The following DPM2 variants were observed in gnomAD, a reference collection of about 807,000 sequenced individuals.
DPM2 encodes the protein dolichol phosphate-mannose biosynthesis regulatory protein.
Under a neutral mutation model 12.1 loss-of-function variants are expected in DPM2, and 8 were observed. That is an observed-to-expected ratio of 0.66 (90% CI 0.39 to 1.19). DPM2 has a LOEUF of 1.19. DPM2 is among the 50% of genes most tolerant of loss of function. The pLI is 0.01. For missense variants in DPM2, 93 were observed against 102.5 expected, an observed-to-expected ratio of 0.91 and a Z score of 0.40; for synonymous variants, 38 against 44.7, an observed-to-expected ratio of 0.85 and a Z score of 0.60.
chr9:127,936,202 T>C, intron 3 of DPM2: 1 of 1,254,290 alleles, frequency 8.0e-7, no homozygotes, highest in Non-Finnish European at 1.1e-6. Flanking sequence ...TGCCACAGCC[T>C]GTTCTAGATG....
chr9:127,935,642 G>C lies in DPM2; in HGVS notation c.*80C>G. ...TTGAGGAGCCACTGTGCCTGGACAGGTTCTGCAGGCTCCCCCACTTGGTCC... is the reference window on the plus strand; with the variant it reads ...TTGAGGAGCCACTGTGCCTGGACAGCTTCTGCAGGCTCCCCCACTTGGTCC... On this transcript the variant is annotated 3_prime_UTR_variant, in exon 4 of 4. Coordinates refer to ENST00000314392, the MANE Select transcript of DPM2 (RefSeq NM_003863.4). The C allele has an allele frequency of 6.7e-7, 1 of 1,485,586 alleles. No homozygotes were observed. The highest frequency in any genetic ancestry group is 9.3e-7 in the Non-Finnish European group (1 of 1,074,602). The allele number at this position is 1,485,586 out of a possible 1,614,324, so 92.0% of individuals were successfully genotyped here. A position where few individuals can be genotyped will look rare whatever the true frequency, so the allele number is the denominator to read the frequency against.
rs781144814 is a variant in DPM2, at chr9:127,936,365, T to C, written c.196+188A>G. 54 of 1,534,114 alleles carry C rather than the reference T, an allele frequency of 3.5e-5. 1 individual carries two copies. Among genetic ancestry groups the C allele is most frequent in the Non-Finnish European group, 4.7e-5 (53 of 1,137,770 alleles). ...GAAAGAGGTAGACAGGTCATTGGAGTCCAAAAAGCCTGGGGCACCAGGAAA... is the reference window on the plus strand; with the variant it reads ...GAAAGAGGTAGACAGGTCATTGGAGCCCAAAAAGCCTGGGGCACCAGGAAA... On this transcript the variant is annotated intron_variant, in intron 3 of 3. Coordinates refer to ENST00000314392, the MANE Select transcript of DPM2 (RefSeq NM_003863.4).
At chr9:127,936,054 G>C in intron 3 of DPM2, 1 of 590,158 alleles carries the variant, frequency 1.7e-6, no homozygotes, top group Non-Finnish European at 3.0e-6. Context: ...TCGATCACCC[G>C]GTCAACCACT....
intron 3 of DPM2, 26 bp from the exon 4 acceptor site, chr9:127,935,806 A>T: frequency 6.2e-7 from 1 of 1,611,438 alleles, no homozygotes. Context: ...CAGAAAGGCC[A>T]CATAAGATCT....
At position 127,937,482 on chromosome 9, in the gene DPM2, G is replaced by A. The variant is rs978118603; in HGVS notation, c.45C>T (p.Ala15=). 1.2e-6 allele frequency: 2 copies of A among 1,614,020 alleles called. No homozygotes were observed. Among genetic ancestry groups the A allele is most frequent in the African/African-American group, 2.7e-5 (2 of 75,022 alleles). Residue 15 remains alanine, a synonymous_variant, in exon 2 of 4, where the codon GCC becomes GCT. Coordinates refer to ENST00000314392, the MANE Select transcript of DPM2 (RefSeq NM_003863.4). ...TDQVVGLGLV[A]VSLIIFTYYT... is the part of the protein sequence containing the mutation. ...AGTAGGTGAAGATGATCAGGCTAAC[G>A]GCGACGAGGCCGAGTCCCACCACCT... is the stretch of plus-strand genomic sequence containing the variant.
rs1007941808 is a variant in DPM2, at chr9:127,935,976, T to C, written c.197-196A>G. ...ATTCACTCAACAAACACCAACTGAG[T>C]GCCTGCCTCAAGCAAGATGCTGCAT... On this transcript the variant is annotated intron_variant, in intron 3 of 3. Transcript: ENST00000314392. 3 of 610,126 alleles carry C rather than the reference T, an allele frequency of 4.9e-6. No individual in the cohort carries two copies. The Admixed American group carries it at 8.8e-5, about 18-fold the overall frequency. 37.8% of individuals were successfully genotyped at this position (610,126 alleles called of 1,614,324 possible).
chr9:127,937,460 A>G lies in DPM2; in HGVS notation c.67T>C (p.Tyr23His), dbSNP rs765019784. 1 of 1,613,726 alleles carries G rather than the reference A, an allele frequency of 6.2e-7. No homozygotes were observed. Among genetic ancestry groups the G allele is most frequent in the Admixed American group, 1.7e-5 (1 of 59,964 alleles). The change falls in exon 2 of 4, where the codon TAC (tyrosine) becomes CAC (histidine). Residue 23 changes from tyrosine to histidine, a missense_variant. Tyr to His is a moderately conservative substitution (Grantham distance 83). Transcript: ENST00000314392. ...AAGAGAATCACCCAGGCGGTGTAGT[A>G]GGTGAAGATGATCAGGCTAACGGCG... Reference protein sequence around the residue: ...LVAVSLIIFTYYTAWVILLPF... With the variant: ...LVAVSLIIFTHYTAWVILLPF...
At chr9:127,937,256 C>CA in intron 2 of DPM2, 178 bp downstream of exon 2, 1 of 537,370 alleles carries the variant, frequency 1.9e-6, no homozygotes, top group Non-Finnish European at 3.4e-6. Context: ...CCCCTAGCCT[C>CA]AGCTATCTCA....
chr9:127,937,739 G>T, intron 1 of DPM2, 79 bp downstream of exon 1: 1 of 1,568,242 alleles, frequency 6.4e-7, no homozygotes, highest in South Asian at 1.1e-5. Context: ...CGTTCCAAGT[G>T]CCCATGCCCC....
chr9:127,937,546 C>A (rs1292115912), intron 1 of DPM2, 23 bp from the exon 2 acceptor site: 1 of 1,587,846 alleles, frequency 6.3e-7, no homozygotes. Context: ...GAGGTCTCAG[C>A]TGACGAAGTG....
rs932364068 is a variant in DPM2, at chr9:127,935,658, C to T, written c.*64G>A. The T allele has an allele frequency of 7.6e-6, 12 of 1,571,024 alleles. No individual in the cohort carries two copies. Among genetic ancestry groups the T allele is most frequent in the South Asian group, 1.1e-5 (1 of 88,974 alleles). On this transcript the variant is annotated 3_prime_UTR_variant, in exon 4 of 4. Coordinates refer to ENST00000314392, the MANE Select transcript of DPM2 (RefSeq NM_003863.4). ...CCTGGACAGGTTCTGCAGGCTCCCC[C>T]ACTTGGTCCCTGTGCTGGAGGGGAA...
chr9:127,935,635 TGG>T lies in DPM2; in HGVS notation c.*85_*86del. The T allele has an allele frequency of 7.1e-7, 1 of 1,415,388 alleles. No homozygotes were observed. The highest frequency in any genetic ancestry group is 9.9e-7 in the Non-Finnish European group (1 of 1,013,856). 87.7% of individuals were successfully genotyped at this position (1,415,388 alleles called of 1,614,324 possible). On this transcript the variant is annotated 3_prime_UTR_variant, in exon 4 of 4. Transcript: ENST00000314392. The stretch of plus-strand genomic sequence containing the variant: ...GGCAGGCTTGAGGAGCCACTGTGCC[TGG>T]ACAGGTTCTGCAGGCTCCCCCACTT...
chr9:127,937,637 AG>A, intron 1 of DPM2, 114 bp from the exon 2 acceptor site: 1 of 1,210,860 alleles, frequency 8.3e-7, no homozygotes, highest in South Asian at 1.3e-5. Context: ...CAGATGGTAG[AG>A]GGCTGACTAG....
intron 1 of DPM2, 84 bp from the exon 2 acceptor site, chr9:127,937,607 G>C (rs1831530303): frequency 7.7e-7 from 1 of 1,306,520 alleles, no homozygotes; most frequent in Non-Finnish European, 1.1e-6. Context: ...GCCCGATCAC[G>C]GTCTAAGCTT....
intron 3 of DPM2, chr9:127,936,332 T>G (rs1831504140): frequency 2.0e-6 from 3 of 1,488,030 alleles, no homozygotes; most frequent in Non-Finnish European, 2.7e-6. Context: ...ATGATGGGGT[T>G]GGGGCAGGAA....
In DPM2 at chr9:127,937,505, C is replaced by T; in HGVS notation, c.22G>A (p.Val8Met). Residue 8 changes from valine to methionine, a missense_variant, in exon 2 of 4, where the codon GTG becomes ATG. Val to Met is a conservative substitution (Grantham distance 21). Transcript: ENST00000314392. ...ACGGCGACGAGGCCGAGTCCCACCA[C>T]CTGGTCTGTCCCCGTGGCCTGGAGA... MATGTDQVVGLGLVAVSL... is the reference protein window; with the variant it reads MATGTDQMVGLGLVAVSL... 6.2e-7 allele frequency: 1 copy of T among 1,613,802 alleles called. No individual in the cohort carries two copies. The highest frequency in any genetic ancestry group is 8.5e-7 in the Non-Finnish European group (1 of 1,179,786).
At chr9:127,937,640 G>C in intron 1 of DPM2, 117 bp from the exon 2 acceptor site, 4 of 1,179,966 alleles carry the variant, frequency 3.4e-6, no homozygotes, top group Non-Finnish European at 5.0e-6. Flanking sequence ...ATGGTAGAGG[G>C]CTGACTAGGG....
Position 127,935,276 on chromosome 9 carries a change from T to G in DPM2, c.*446A>C. On this transcript the variant is annotated 3_prime_UTR_variant, in exon 4 of 4. Transcript: ENST00000314392. ...CCAGGCTTTCCAGGTCCAGAAGGCTTTGTGGGGTCTGGGGCTGTGTCAGGG... is the reference window on the plus strand; with the variant it reads ...CCAGGCTTTCCAGGTCCAGAAGGCTGTGTGGGGTCTGGGGCTGTGTCAGGG... 1 of 225,694 alleles carries G rather than the reference T, an allele frequency of 4.4e-6. No individual in the cohort carries two copies. The highest frequency in any genetic ancestry group is 1.5e-3 in the Middle Eastern group (1 of 650). 14.0% of individuals were successfully genotyped at this position (225,694 alleles called of 1,614,324 possible).
intron 2 of DPM2, 149 bp from the exon 3 acceptor site, chr9:127,936,804 C>T (rs562442328): frequency 7.7e-6 from 5 of 645,890 alleles, no homozygotes; most frequent in Admixed American, 4.0e-5. Context: ...ATTTGGGTGT[C>T]GTGGTTTGTT....
Sources: gnomAD v4.1 joint callset for allele counts on GRCh38, gnomAD v4.1.1 for gene constraint, MANE v1.5 for transcripts, NCBI Gene and HGNC (gene_info 2026-07-23, HGNC 2026-07-21) for gene names.